Variants in SATL1 observed in about 807,000 individuals in gnomAD.
SATL1 encodes the protein spermidine/spermine N1-acetyl transferase like 1, also known as spermidine/spermine N(1)-acetyltransferase-like protein 1.
Under a neutral mutation model 51.8 loss-of-function variants are expected in SATL1, and 47 were observed. The ratio of observed to expected loss-of-function variants is 0.91; its 90% CI spans 0.72 to 1.16. The LOEUF (loss-of-function observed/expected upper bound fraction) is 1.16, where lower values mean the gene tolerates loss of function less well. Among genes scored for constraint, SATL1 ranks in the 50% most tolerant of loss-of-function variants. The pLI, the probability that SATL1 is intolerant of heterozygous loss-of-function variation, is 0.00. For synonymous variants in SATL1, 176 were observed against 182.4 expected, an observed-to-expected ratio of 0.97 and a Z score of 0.28; for missense variants, 520 against 526.4, an observed-to-expected ratio of 0.99 and a Z score of 0.12.
chrX:85,142,889 C>A (rs2147714873), intron 2 of SATL1: 1 of 111,774 alleles, frequency 8.9e-6, no homozygotes, highest in African/African-American at 3.2e-5. Context: ...CCTGAAAACT[C>A]TCCTAACTTT....
chrX:85,166,419 A>T (rs1926836240), intron 2 of SATL1, among the ~76,000 whole-genome samples: 1 of 111,804 alleles, frequency 8.9e-6, no homozygotes, highest in Non-Finnish European at 1.9e-5. Flanking sequence ...GAACTCAAAC[A>T]AATCATCAAG....
At chrX:85,092,736 G>C in intron 7 of SATL1, 175 bp from the exon 8 acceptor site, 1 of 436,189 alleles carries the variant, frequency 2.3e-6, no homozygotes, top group Non-Finnish European at 3.7e-6. Flanking sequence ...AAGTCTCACT[G>C]TTCTGAGCTT....
At chrX:85,177,814 G>A (rs1927113474) in intron 2 of SATL1, among the ~76,000 whole-genome samples, 1 of 111,229 alleles carries the variant, frequency 9.0e-6, no homozygotes, top group Admixed American at 9.6e-5. Context: ...ACAGGGTGGG[G>A]GAAATTTCAG....
intron 1 of SATL1, among the ~76,000 whole-genome samples, chrX:85,237,570 A>T (rs1928505036): frequency 9.0e-6 from 1 of 111,566 alleles, no homozygotes; most frequent in South Asian, 3.7e-4. Context: ...AAATCCAAAT[A>T]GATTAACTAC....
chrX:85,198,368 T>C (rs1363290030), intron 2 of SATL1, among the ~76,000 whole-genome samples: 1 of 111,660 alleles, frequency 9.0e-6, no homozygotes, highest in Non-Finnish European at 1.9e-5. Context: ...GGCTGGATCC[T>C]ATAGTACTTC....
intron 4 of SATL1, among the ~76,000 whole-genome samples, chrX:85,100,817 A>G (rs907487620): frequency 2.7e-5 from 3 of 111,868 alleles, no homozygotes; most frequent in African/African-American, 9.8e-5. Context: ...TTAGAAAGCT[A>G]CAGCAGTTAA....
At chrX:85,218,145 A>AG (rs1245939514) in intron 2 of SATL1, among the ~76,000 whole-genome samples, 1 of 107,268 alleles carries the variant, frequency 9.3e-6, no homozygotes, top group African/African-American at 3.3e-5. Context: ...GAAGATAAAA[A>AG]AAAAACCCCA....
chrX:85,220,507 T>C (rs944203170), intron 2 of SATL1, among the ~76,000 whole-genome samples: 3 of 106,894 alleles, frequency 2.8e-5, no homozygotes, highest in Non-Finnish European at 5.8e-5. Context: ...TTCTTCCTCT[T>C]GAGGTGAAGA....
chrX:85,239,758 G>T (rs1199443296), intron 1 of SATL1, among the ~76,000 whole-genome samples: 1 of 111,738 alleles, frequency 8.9e-6, no homozygotes, highest in Admixed American at 9.5e-5. Context: ...AGGCAATTCA[G>T]TGGAGAAAAG....
At chrX:85,220,364 C>G (rs192994664) in intron 2 of SATL1, among the ~76,000 whole-genome samples, 9 of 109,139 alleles carry the variant, frequency 8.2e-5, no homozygotes, top group African/African-American at 2.3e-4. Context: ...TAGTGCTGAA[C>G]TGGGCCCAGA....
chrX:85,194,322 G>T (rs1927504427), intron 2 of SATL1, among the ~76,000 whole-genome samples: 1 of 111,646 alleles, frequency 9.0e-6, no homozygotes, highest in Non-Finnish European at 1.9e-5. Flanking sequence ...AATATCACTG[G>T]TTACTTTGTA....
chrX:85,153,307 C>G lies in SATL1; in HGVS notation c.-312-44027G>C, dbSNP rs1465897509. Among the ~76,000 whole-genome samples the G allele has an allele frequency of 5.4e-5, 6 of 111,523 alleles. No individual in the cohort carries two copies. In the South Asian group the frequency reaches 1.9e-3, roughly 35 times the overall value. On this transcript the variant is annotated intron_variant, in intron 2 of 7. Transcript: ENST00000644105. ...TGCTGTAGGAGTAGGTGCGAGGAAACACTCAGGTTGCAGGTATGGAACTGG... is the reference window on the plus strand; with the variant it reads ...TGCTGTAGGAGTAGGTGCGAGGAAAGACTCAGGTTGCAGGTATGGAACTGG...
At chrX:85,206,195 G>A (rs1369323177) in intron 2 of SATL1, among the ~76,000 whole-genome samples, 1 of 111,640 alleles carries the variant, frequency 9.0e-6, no homozygotes, top group East Asian at 2.8e-4. Context: ...AGACAAGCAT[G>A]GGCTGAAAAA....
chrX:85,231,676 G>A (rs1457562184), intron 1 of SATL1, among the ~76,000 whole-genome samples: 1 of 111,728 alleles, frequency 9.0e-6, no homozygotes, highest in African/African-American at 3.3e-5. Context: ...AGAACTCAGT[G>A]CTCTCCTGCC....
chrX:85,198,890 G>A (rs1927632658), intron 2 of SATL1, among the ~76,000 whole-genome samples: 1 of 107,831 alleles, frequency 9.3e-6, no homozygotes, highest in Non-Finnish European at 1.9e-5. Context: ...CCAGGCTGGA[G>A]CGCAGTGACA....
chrX:85,234,300 G>A (rs1928440126), intron 1 of SATL1, among the ~76,000 whole-genome samples: 1 of 112,105 alleles, frequency 8.9e-6, no homozygotes, highest in Non-Finnish European at 1.9e-5. Context: ...AATGCTAAAA[G>A]GAGTTCATCA....
Position 85,094,269 on chromosome X carries a change from A to G in SATL1, c.1775-40T>C, listed in dbSNP as rs746132869. ...GAAAGGGTGTAGAAAGGTTGGTTGA[A>G]TCTTAGCCAGTTCTTTACCCCCAAA... On this transcript the variant is annotated intron_variant, in intron 5 of 7. Coordinates refer to ENST00000644105, the MANE Select transcript of SATL1 (RefSeq NM_001367857.2). 16 of 775,480 alleles carry G rather than the reference A, an allele frequency of 2.1e-5. No homozygotes were observed. The East Asian group carries it at 4.4e-4, about 22-fold the overall frequency. 63.9% of individuals were successfully genotyped at this position (775,480 alleles called of 1,213,427 possible).
chrX:85,103,668 A>G (rs189191136), intron 4 of SATL1, among the ~76,000 whole-genome samples, 196 bp downstream of exon 4: 31 of 111,847 alleles, frequency 2.8e-4, no homozygotes, highest in African/African-American at 9.4e-4. Flanking sequence ...TAAAGGTGTA[A>G]GAGCTCTTAA....
chrX:85,099,000 G>A (rs777464877), intron 4 of SATL1, among the ~76,000 whole-genome samples: 1 of 111,258 alleles, frequency 9.0e-6, no homozygotes, highest in South Asian at 3.8e-4. Context: ...ATCAATGAAG[G>A]TTGATTATTT....
Sources: gnomAD v4.1 joint callset for allele counts (sites outside exome capture counted in the v4.1 genomes callset) on GRCh38, gnomAD v4.1.1 for gene constraint, MANE v1.5 for transcripts, NCBI Gene and HGNC (gene_info 2026-07-23, HGNC 2026-07-21) for gene names.